The following LRRC41 variants were observed in gnomAD, a reference collection of about 807,000 sequenced individuals.
The protein encoded by LRRC41 is leucine-rich repeat-containing protein 41.
LRRC41 carries 17 observed loss-of-function variants against 72.1 expected under a neutral mutation model. That is an observed-to-expected ratio of 0.24 (90% CI 0.16 to 0.35). The LOEUF is 0.35. LRRC41 is among the 10% of genes least tolerant of loss of function. The pLI, the probability that LRRC41 is intolerant of heterozygous loss-of-function variation, is 1.00. For missense variants in LRRC41, 759 were observed against 1,065.0 expected (o/e 0.71, Z 4.00); for synonymous variants, 427 against 431.0 (o/e 0.99, Z 0.11).
In LRRC41 at chr1:46,277,696, C is replaced by G; in HGVS notation, c.*1169G>C. The stretch of plus-strand genomic sequence containing the variant: ...TAGAGATAATGTTCTGGGACTCATA[C>G]TTTTTATTCATCTCCTCTTCTCGGG... On this transcript the variant is annotated 3_prime_UTR_variant, in exon 10 of 10. Coordinates refer to ENST00000617190, the MANE Select transcript of LRRC41 (RefSeq NM_006369.5). The G allele has an allele frequency of 8.5e-7, 1 of 1,179,182 alleles. No homozygotes were observed. The highest frequency in any genetic ancestry group is 1.2e-6 in the Non-Finnish European group (1 of 804,430). 73.0% of individuals were successfully genotyped at this position (1,179,182 alleles called of 1,614,324 possible).
Position 46,303,247 on chromosome 1 carries a change from T to C in LRRC41, c.76A>G (p.Thr26Ala). The change falls in exon 1 of 10, where the codon ACG becomes GCG. Residue 26 changes from threonine (T) to alanine (A), a missense_variant. Transcript: ENST00000617190. ...TTCGCTGGCGCCGCCTCCCGGGACGTGGCCTCCATGGTCGTTGCCGCCGCT... is the reference window on the plus strand; with the variant it reads ...TTCGCTGGCGCCGCCTCCCGGGACGCGGCCTCCATGGTCGTTGCCGCCGCT... ...EVAAATTMEA[T>A]SREAAPAKSS... is the part of the protein sequence containing the mutation. 6.4e-7 allele frequency: 1 copy of C among 1,550,750 alleles called. No homozygotes were observed. The highest frequency in any genetic ancestry group is 2.4e-5 in the East Asian group (1 of 41,096).
intron 5 of LRRC41, 73 bp from the exon 6 acceptor site, chr1:46,280,633 C>A: frequency 3.4e-6 from 5 of 1,457,330 alleles, no homozygotes; most frequent in Non-Finnish European, 4.7e-6. Flanking sequence ...CCATCCTGTT[C>A]TTAAGGGATT....
rs1270068202 is a variant in LRRC41 at position 46,286,301 on chromosome 1, T to C, written c.556A>G (p.Arg186Gly). 1.2e-6 allele frequency: 2 copies of C among 1,614,094 alleles called. No individual in the cohort carries two copies. The highest frequency in any genetic ancestry group is 1.7e-5 in the Admixed American group (1 of 60,004). The change falls in exon 4 of 10, where the codon AGG (arginine) becomes GGG (glycine). Residue 186 changes from arginine to glycine, a missense_variant. Coordinates refer to ENST00000617190, the MANE Select transcript of LRRC41 (RefSeq NM_006369.5). The surrounding 1 kb of genome is among the most constrained non-coding windows in gnomAD (Gnocchi z 5.5). Reference sequence around the variant, plus strand: ...GAGCTGGCCAGGGTCTCCAGAACCCTGCGGTTGGGCTCAGCCACCAGCTCG... The same window carrying C: ...GAGCTGGCCAGGGTCTCCAGAACCCCGCGGTTGGGCTCAGCCACCAGCTCG... ...ATELVAEPNR[R>G]VLETLASSLH...
rs1280687481 is a variant in LRRC41, at chr1:46,303,256, T to G, written c.67A>C (p.Met23Leu). ...WFCEVAAATT[M>L]EATSREAAPA... ...GCCGCCTCCCGGGACGTGGCCTCCA[T>G]GGTCGTTGCCGCCGCTACCTCACAG... Residue 23 changes from methionine to leucine, a missense_variant, in exon 1 of 10, where the codon ATG becomes CTG. Met to Leu is a conservative substitution (Grantham distance 15). Transcript: ENST00000617190. 1 of 1,548,380 alleles carries G rather than the reference T, an allele frequency of 6.5e-7. No individual in the cohort carries two copies. Among genetic ancestry groups the G allele is most frequent in the Non-Finnish European group, 8.7e-7 (1 of 1,148,174 alleles).
Position 46,303,326 on chromosome 1 carries a change from G to A in LRRC41, c.-4C>T, listed in dbSNP as rs1282521560. 1 of 1,512,972 alleles carries A rather than the reference G, an allele frequency of 6.6e-7. No homozygotes were observed. The highest frequency in any genetic ancestry group is 8.8e-7 in the Non-Finnish European group (1 of 1,134,134). 93.7% of individuals were successfully genotyped at this position (1,512,972 alleles called of 1,614,324 possible). ...GCCAGGCCTCGGGCGCCGCCATCTT[G>A]GGGAGGTGCGCGAGCCCGAGAGTGT... On this transcript the variant is annotated 5_prime_UTR_variant, in exon 1 of 10. The change creates a premature stop within an existing upstream ORF in the 5' untranslated region. Transcript: ENST00000617190.
At chr1:46,282,077 A>C (rs1203188002) in intron 4 of LRRC41, among the ~76,000 whole-genome samples, 1 of 112,746 alleles carries the variant, frequency 8.9e-6, no homozygotes, top group Non-Finnish European at 1.7e-5. Context: ...AGACTGTCTC[A>C]AAAAAAAAAA....
rs914893325 is a variant in LRRC41 at position 46,298,437 on chromosome 1, ATTAT to A, written c.200-71_200-68del. On this transcript the variant is annotated intron_variant, in intron 1 of 9. Transcript: ENST00000617190. ...CCTCCCACCCAAGAGGTTTCCAAGC[ATTAT>A]TTATTCTACTGGAAAGGAAAATGGA... 5.2e-6 allele frequency: 5 copies of A among 956,702 alleles called. 1 individual carries two copies. Among genetic ancestry groups the A allele is most frequent in the South Asian group, 4.4e-5 (3 of 67,596 alleles). The allele number at this position is 956,702 out of a possible 1,614,324, so 59.3% of individuals were successfully genotyped here.
At position 46,289,720 on chromosome 1, in the gene LRRC41, C is replaced by T. The variant is rs922913066; in HGVS notation, c.358-3221G>A. On this transcript the variant is annotated intron_variant, in intron 3 of 9. Coordinates refer to ENST00000617190, the MANE Select transcript of LRRC41 (RefSeq NM_006369.5). ...AGCTTGCAGTGAGCTGAGATCGCGC[C>T]ACTGCACTCCAGCCTGGGCGATAGA... 3.3e-5 allele frequency among the ~76,000 whole-genome samples: 5 copies of T among 152,144 alleles called. No homozygotes were observed. The South Asian group carries it at 1.0e-3, about 32-fold the overall frequency.
chr1:46,303,203 G>C lies in LRRC41; in HGVS notation c.120C>G (p.Pro40=), dbSNP rs1557721245. ...AAPAKSSASG[P]NAPPALFELC... ...GCTCGAACAGGGCGGGGGGAGCGTT[G>C]GGGCCCGAGGCCGAGCTCTTCGCTG... The change falls in exon 1 of 10, where the codon CCC becomes CCG. Residue 40 remains proline, a synonymous_variant. Transcript: ENST00000617190. 1 of 1,569,620 alleles carries C rather than the reference G, an allele frequency of 6.4e-7. No homozygotes were observed. Among genetic ancestry groups the C allele is most frequent in the Non-Finnish European group, 8.6e-7 (1 of 1,162,112 alleles).
chr1:46,303,144 AC>A lies in LRRC41; in HGVS notation c.178del (p.Val60PhefsTer51). On this transcript the variant is annotated frameshift_variant, in exon 1 of 10. Coordinates refer to ENST00000617190, the MANE Select transcript of LRRC41 (RefSeq NM_006369.5). LOFTEE classifies it high-confidence loss of function. The stretch of plus-strand genomic sequence containing the variant: ...CTTACCCCACACCCCGCTCTCCAGA[AC>A]CCCCATATGGGCGCTCACCGCCCGC... The part of the protein sequence containing the change: ...CGRAVSAHMG[V>X]LESGVWALPG... 1 of 1,499,336 alleles carries A rather than the reference AC, an allele frequency of 6.7e-7. No homozygotes were observed. The highest frequency in any genetic ancestry group is 8.9e-7 in the Non-Finnish European group (1 of 1,127,806). The allele number at this position is 1,499,336 out of a possible 1,614,324, so 92.9% of individuals were successfully genotyped here. A position where few individuals can be genotyped will look rare whatever the true frequency, so the allele number is the denominator to read the frequency against.
At chr1:46,296,268 T>C (rs759645827) in intron 3 of LRRC41, among the ~76,000 whole-genome samples, 16 of 152,032 alleles carry the variant, frequency 1.1e-4, no homozygotes, top group Non-Finnish European at 2.4e-4. Flanking sequence ...TACAAAAAAA[T>C]TAGCTGGGTG....
chr1:46,289,218 T>C (rs1338536963), intron 3 of LRRC41, among the ~76,000 whole-genome samples: 1 of 152,200 alleles, frequency 6.6e-6, no homozygotes, highest in East Asian at 1.9e-4. Context: ...ATCAGGAACA[T>C]GCACTCCAGA....
intron 4 of LRRC41, among the ~76,000 whole-genome samples, chr1:46,283,943 C>T (rs889808817): frequency 5.9e-5 from 9 of 152,000 alleles, no homozygotes; most frequent in East Asian, 1.9e-4. Flanking sequence ...GGATTACGGG[C>T]GTGAGCCACT....
rs377453931 is a variant in LRRC41, at chr1:46,286,209, C to T, written c.648G>A (p.Gln216=). 6.2e-6 allele frequency: 10 copies of T among 1,614,124 alleles called. No individual in the cohort carries two copies. Among genetic ancestry groups the T allele is most frequent in the Non-Finnish European group, 8.5e-6 (10 of 1,180,050 alleles). Residue 216 remains glutamine, a synonymous_variant, in exon 4 of 10, where the codon CAG becomes CAA. Transcript: ENST00000617190. This position sits in a 1 kb window ranked among gnomAD's most constrained non-coding sequence, Gnocchi z 5.5. The part of the protein sequence containing the change: ...SDVAAQQSLR[Q]LLHQLIHHGA... ...CATGGTGAATGAGCTGATGCAACAG[C>T]TGCCGAAGTGACTGCTGAGCAGCCA... is the stretch of plus-strand genomic sequence containing the variant.
intron 3 of LRRC41, among the ~76,000 whole-genome samples, chr1:46,294,600 T>C (rs965942390): frequency 6.8e-6 from 1 of 147,690 alleles, no homozygotes; most frequent in African/African-American, 2.5e-5. Context: ...TTCTTTTTTT[T>C]TTTTTTTTTT....
At position 46,278,542 on chromosome 1, in the gene LRRC41, G is replaced by A; in HGVS notation, c.*323C>T. On this transcript the variant is annotated 3_prime_UTR_variant, in exon 10 of 10. Transcript: ENST00000617190. Reference sequence around the variant, plus strand: ...CCCTATACTTCTCTAAAGCCTGGGTGCCTGCTTGAGGAGGGAAGGCAGGAA... The same window carrying A: ...CCCTATACTTCTCTAAAGCCTGGGTACCTGCTTGAGGAGGGAAGGCAGGAA... The A allele has an allele frequency of 1.6e-6, 1 of 615,384 alleles. No homozygotes were observed. The highest frequency in any genetic ancestry group is 2.0e-5 in the South Asian group (1 of 48,968). The allele number at this position is 615,384 out of a possible 1,614,324, so 38.1% of individuals were successfully genotyped here. A position where few individuals can be genotyped will look rare whatever the true frequency, so the allele number is the denominator to read the frequency against.
Position 46,278,400 on chromosome 1 carries a change from T to G in LRRC41, c.*465A>C, listed in dbSNP as rs1325965627. On this transcript the variant is annotated 3_prime_UTR_variant, in exon 10 of 10. Coordinates refer to ENST00000617190, the MANE Select transcript of LRRC41 (RefSeq NM_006369.5). ...GAGAAAATCATCAAGAAGGGCTGCA[T>G]GATGTTTGCCCAAAATTTATTTTAT... The G allele has an allele frequency of 4.2e-6, 5 of 1,190,698 alleles. No individual in the cohort carries two copies. Among genetic ancestry groups the G allele is most frequent in the South Asian group, 4.0e-5 (3 of 74,118 alleles). 73.8% of individuals were successfully genotyped at this position (1,190,698 alleles called of 1,614,324 possible). A position where few individuals can be genotyped will look rare whatever the true frequency, so the allele number is the denominator to read the frequency against.
At chr1:46,291,953 G>C (rs527365269) in intron 3 of LRRC41, among the ~76,000 whole-genome samples, 217 of 152,168 alleles carry the variant, frequency 1.4e-3, no homozygotes, top group African/African-American at 4.7e-3. Context: ...CTGGGCTCAA[G>C]TGATCCTCCC....
chr1:46,283,432 T>C (rs1481832373), intron 4 of LRRC41, among the ~76,000 whole-genome samples: 1 of 152,138 alleles, frequency 6.6e-6, no homozygotes. Context: ...CAGCCCGGCC[T>C]ATATGGGGAA....
Sources: allele counts gnomAD v4.1 joint callset (sites outside exome capture counted in the v4.1 genomes callset), GRCh38; gene constraint gnomAD v4.1.1; non-coding constraint Gnocchi (gnomAD v3.1); transcripts MANE v1.5; gene names NCBI Gene and HGNC (gene_info 2026-07-23, HGNC 2026-07-21).